CCDC30: variants seen among roughly 807,000 people sequenced by gnomAD.
CCDC30 encodes coiled-coil domain-containing protein 30.
A neutral mutation model predicts 100.2 loss-of-function variants in CCDC30; 70 were observed. That is an observed-to-expected ratio of 0.70 (90% CI 0.58 to 0.85). The LOEUF is 0.85. Among genes scored for constraint, CCDC30 ranks in the 40% least tolerant of loss-of-function variants. The pLI, the probability that CCDC30 is intolerant of heterozygous loss-of-function variation, is 0.00. For synonymous variants in CCDC30, 233 were observed against 269.5 expected, an observed-to-expected ratio of 0.86 and a Z score of 1.33; for missense variants, 652 against 771.2, an observed-to-expected ratio of 0.85 and a Z score of 1.83.
At chr1:42,494,081 G>A (rs1644190155) in intron 4 of CCDC30, among the ~76,000 whole-genome samples, 2 of 152,236 alleles carry the variant, frequency 1.3e-5, no homozygotes, top group South Asian at 4.1e-4. Context: ...AAAGCTGGAG[G>A]CATCATGCTA....
At chr1:42,464,600 ATTG>A (rs1643509405) in intron 1 of CCDC30, among the ~76,000 whole-genome samples, 1 of 152,250 alleles carries the variant, frequency 6.6e-6, no homozygotes, top group African/African-American at 2.4e-5. Flanking sequence ...AGCAGACACA[ATTG>A]TTCTAAAAAG....
At chr1:42,563,254 C>A (rs1006161603) in intron 6 of CCDC30, among the ~76,000 whole-genome samples, 1 of 152,120 alleles carries the variant, frequency 6.6e-6, no homozygotes, top group Non-Finnish European at 1.5e-5. Flanking sequence ...TATATATACA[C>A]CATGGAATAC....
At chr1:42,601,641 G>A (rs1646406680) in intron 10 of CCDC30, among the ~76,000 whole-genome samples, 1 of 152,218 alleles carries the variant, frequency 6.6e-6, no homozygotes, top group African/African-American at 2.4e-5. Flanking sequence ...AAAGGAGGCA[G>A]TGACCTAGAG....
chr1:42,622,548 A>C (rs112420142), intron 11 of CCDC30, among the ~76,000 whole-genome samples: 2,646 of 151,698 alleles, frequency 0.017, 71 homozygotes, highest in African/African-American at 0.061. Context: ...CTCACTGCAA[A>C]CTCTGCCTCC....
At chr1:42,530,646 A>ATG (rs752593391) in intron 6 of CCDC30, among the ~76,000 whole-genome samples, 16 of 152,178 alleles carry the variant, frequency 1.1e-4, no homozygotes, top group Non-Finnish European at 1.5e-4. Flanking sequence ...CTCATCTCTC[A>ATG]ATTTAACATT....
chr1:42,589,526 A>G (rs780550211), intron 10 of CCDC30, 43 bp downstream of exon 14: 2 of 1,531,472 alleles, frequency 1.3e-6, no homozygotes, highest in East Asian at 2.3e-5. Context: ...TCCTATTCCC[A>G]TTAGTAACAG....
chr1:42,567,545 G>A (rs1381989077), intron 7 of CCDC30, among the ~76,000 whole-genome samples: 5 of 152,070 alleles, frequency 3.3e-5, no homozygotes, highest in African/African-American at 4.8e-5. Flanking sequence ...GCCTTCTAAG[G>A]GAGTTCTCGT....
At chr1:42,578,587 G>A (rs1645892731) in intron 8 of CCDC30, among the ~76,000 whole-genome samples, 1 of 152,040 alleles carries the variant, frequency 6.6e-6, no homozygotes, top group Admixed American at 6.5e-5. Context: ...TTAAAACTTA[G>A]ACAATACTAA....
At chr1:42,468,063 T>C (rs922734736) in intron 1 of CCDC30, among the ~76,000 whole-genome samples, 2 of 152,356 alleles carry the variant, frequency 1.3e-5, no homozygotes, top group East Asian at 3.9e-4. Context: ...ATCCAATTCC[T>C]GTGTAGCCAC....
At chr1:42,499,173 A>G (rs557093077) in intron 6 of CCDC30, among the ~76,000 whole-genome samples, 2 of 152,340 alleles carry the variant, frequency 1.3e-5, no homozygotes, top group Admixed American at 1.3e-4. Context: ...AATCTTATAA[A>G]GATACAATTT....
At chr1:42,573,913 TTGAC>T (rs1645783796) in intron 7 of CCDC30, among the ~76,000 whole-genome samples, 1 of 152,156 alleles carries the variant, frequency 6.6e-6, no homozygotes, top group Non-Finnish European at 1.5e-5. Flanking sequence ...CTGAATTACT[TTGAC>T]TGATTTTCTA....
chr1:42,603,673 T>C (rs1312804991), intron 10 of CCDC30, among the ~76,000 whole-genome samples: 1 of 152,218 alleles, frequency 6.6e-6, no homozygotes, highest in African/African-American at 2.4e-5. Context: ...CATTTATTGC[T>C]GGTGGGAATG....
intron 9 of CCDC30, among the ~76,000 whole-genome samples, chr1:42,585,517 A>G (rs934155549): frequency 6.6e-6 from 1 of 151,540 alleles, no homozygotes. Flanking sequence ...ATTTTTCTCT[A>G]TTGTTTTCTT....
intron 7 of CCDC30, among the ~76,000 whole-genome samples, chr1:42,568,693 G>A (rs1645660502): frequency 6.6e-6 from 1 of 151,608 alleles, no homozygotes. Flanking sequence ...TTGTGGGGCT[G>A]AGGTGAGCAG....
chr1:42,527,796 A>C (rs1644743912), intron 6 of CCDC30, among the ~76,000 whole-genome samples: 1 of 151,986 alleles, frequency 6.6e-6, no homozygotes, highest in Non-Finnish European at 1.5e-5. Flanking sequence ...GAAGGAGGGT[A>C]GTTGTGTTTT....
At chr1:42,494,998 ATTACT>A (rs1286667954) in intron 4 of CCDC30, among the ~76,000 whole-genome samples, 1 of 111,338 alleles carries the variant, frequency 9.0e-6, no homozygotes. Flanking sequence ...CAGCCATCCC[ATTACT>A]GGGTATATAC....
chr1:42,542,194 G>T (rs930025797), intron 6 of CCDC30, among the ~76,000 whole-genome samples: 1 of 152,114 alleles, frequency 6.6e-6, no homozygotes, highest in Non-Finnish European at 1.5e-5. Flanking sequence ...GGGTCTGATG[G>T]CTTTAACTTT....
intron 5 of CCDC30, among the ~76,000 whole-genome samples, chr1:42,497,624 C>T (rs1210553984): frequency 6.6e-6 from 1 of 151,888 alleles, no homozygotes; most frequent in Non-Finnish European, 1.5e-5. Context: ...TATGTACTTC[C>T]AAATTTTAAA....
At chr1:42,491,745 G>A in intron 4 of CCDC30, 1 of 266,630 alleles carries the variant, frequency 3.8e-6, no homozygotes, top group Non-Finnish European at 7.4e-6. Flanking sequence ...CACCATGGCT[G>A]TTGGCAAGAA....
Sources: allele counts gnomAD v4.1 joint callset (sites outside exome capture counted in the v4.1 genomes callset), GRCh38; gene constraint gnomAD v4.1.1; transcripts MANE v1.5; gene names NCBI Gene and HGNC (gene_info 2026-07-23, HGNC 2026-07-21).